Variants in SRGAP1 observed in about 807,000 individuals in gnomAD.
The protein encoded by SRGAP1 is SLIT-ROBO Rho GTPase activating protein 1.
In SRGAP1, 43 loss-of-function variants were observed where a neutral mutation model predicts 121.9. The observed-to-expected ratio is 0.35, with a 90% CI of 0.28 to 0.46. The LOEUF (loss-of-function observed/expected upper bound fraction) is 0.46, where lower values mean the gene tolerates loss of function less well. SRGAP1 is among the 20% of genes least tolerant of loss of function. The pLI is 1.00. For synonymous variants in SRGAP1, 447 were observed against 485.4 expected, an observed-to-expected ratio of 0.92 and a Z score of 1.04; for missense variants, 1,102 against 1,350.9, an observed-to-expected ratio of 0.82 and a Z score of 2.89.
intron 1 of SRGAP1, among the ~76,000 whole-genome samples, chr12:63,863,276 C>CTT (rs72296845): frequency 3.2e-4 from 44 of 138,156 alleles, no homozygotes; most frequent in East Asian, 2.9e-3. Context: ...CTTTTTTTTT[C>CTT]TTTTTTTTTT....
intron 1 of SRGAP1, among the ~76,000 whole-genome samples, chr12:63,950,401 G>A (rs905508366): frequency 5.3e-5 from 8 of 152,212 alleles, no homozygotes; most frequent in Admixed American, 3.9e-4. Context: ...CCTCTTTAAG[G>A]AATTGTGCAA....
intron 15 of SRGAP1, chr12:64,097,631 A>G: frequency 3.0e-6 from 1 of 334,014 alleles, no homozygotes; most frequent in East Asian, 4.9e-5. Flanking sequence ...CATGGCTGGA[A>G]TTGAGCAGAA....
chr12:64,043,054 C>T (rs770133562), intron 5 of SRGAP1, 82 bp downstream of exon 5: 30 of 930,566 alleles, frequency 3.2e-5, no homozygotes, highest in Non-Finnish European at 3.0e-5. Context: ...CTGATATCCA[C>T]ACATTGTAAG....
At chr12:63,988,072 C>T (rs966594739) in intron 2 of SRGAP1, among the ~76,000 whole-genome samples, 1 of 152,170 alleles carries the variant, frequency 6.6e-6, no homozygotes, top group African/African-American at 2.4e-5. Context: ...ATGAGCTTGA[C>T]ATGGATATTA....
In SRGAP1 at chr12:64,094,943, G is replaced by A. The variant is rs2036125096; in HGVS notation, c.1551G>A (p.Gln517=). Residue 517 remains glutamine (Q), a synonymous_variant, in exon 13 of 22, where the codon CAG becomes CAA. Transcript: ENST00000355086. ...ATCCCTTTACCCAGGACTCAGGACA[G>A]GTTATTCCCCTCATTGTGGAAAGCT... is the stretch of plus-strand genomic sequence containing the variant. ...DLETFVKDSG[Q]VIPLIVESCI... is the part of the protein sequence containing the mutation. 1 of 1,613,950 alleles carries A rather than the reference G, an allele frequency of 6.2e-7. No individual in the cohort carries two copies. Among genetic ancestry groups the A allele is most frequent in the African/African-American group, 1.3e-5 (1 of 74,912 alleles).
chr12:64,073,168 A>G (rs1307954957), intron 8 of SRGAP1, among the ~76,000 whole-genome samples: 1 of 152,100 alleles, frequency 6.6e-6, no homozygotes, highest in Non-Finnish European at 1.5e-5. Context: ...CGAGCATCCC[A>G]TGGGATGATA....
chr12:63,863,276 C>CT (rs72296845), intron 1 of SRGAP1, among the ~76,000 whole-genome samples: 20,263 of 138,106 alleles, frequency 0.15, 2,267 homozygotes, highest in East Asian at 0.41. Flanking sequence ...CTTTTTTTTT[C>CT]TTTTTTTTTT....
intron 12 of SRGAP1, among the ~76,000 whole-genome samples, chr12:64,091,603 G>T (rs918788774): frequency 1.3e-5 from 2 of 152,128 alleles, no homozygotes; most frequent in African/African-American, 4.8e-5. Flanking sequence ...GGGCATAAAA[G>T]AAAGCCCTCT....
intron 6 of SRGAP1, among the ~76,000 whole-genome samples, chr12:64,050,464 A>G (rs954026008): frequency 6.6e-6 from 1 of 152,082 alleles, no homozygotes; most frequent in Non-Finnish European, 1.5e-5. Context: ...CCCTATATAT[A>G]CACATTTTTA....
intron 1 of SRGAP1, among the ~76,000 whole-genome samples, chr12:63,947,756 G>T (rs983691841): frequency 2.0e-5 from 3 of 152,134 alleles, no homozygotes; most frequent in Non-Finnish European, 2.9e-5. Flanking sequence ...AGTGTTGGCT[G>T]TTCAAGGTCT....
intron 1 of SRGAP1, among the ~76,000 whole-genome samples, chr12:63,927,335 G>GGCTGGCCCAGTCCCTA (rs1434475250): frequency 2.6e-5 from 4 of 152,156 alleles, no homozygotes; most frequent in African/African-American, 9.7e-5. Flanking sequence ...TGCAGTCCCT[G>GGCTGGCCCAGTCCCTA]GCTGGCCCAG....
At chr12:63,962,608 A>T (rs1190670422) in intron 1 of SRGAP1, among the ~76,000 whole-genome samples, 1 of 152,094 alleles carries the variant, frequency 6.6e-6, no homozygotes, top group African/African-American at 2.4e-5. Context: ...AGGTTTTTCC[A>T]CATTGGCCAG....
At chr12:64,095,973 C>A (rs2036147812) in intron 14 of SRGAP1, among the ~76,000 whole-genome samples, 1 of 152,156 alleles carries the variant, frequency 6.6e-6, no homozygotes, top group Non-Finnish European at 1.5e-5. Flanking sequence ...AGCCACTAAT[C>A]AATCATGTGA....
At chr12:63,858,668 T>C (rs1411676462) in intron 1 of SRGAP1, among the ~76,000 whole-genome samples, 5 of 152,228 alleles carry the variant, frequency 3.3e-5, no homozygotes, top group African/African-American at 9.6e-5. Context: ...CAGGATTATT[T>C]GTGCTGTGTA....
intron 1 of SRGAP1, among the ~76,000 whole-genome samples, chr12:63,969,709 GCGTGAACC>G (rs915536428): frequency 1.1e-4 from 16 of 151,944 alleles, no homozygotes; most frequent in African/African-American, 3.9e-4. Flanking sequence ...TAGGAGAATG[GCGTGAACC>G]CGGGAGGCAG....
intron 6 of SRGAP1, among the ~76,000 whole-genome samples, chr12:64,048,575 C>G (rs1243957162): frequency 6.6e-6 from 1 of 152,100 alleles, no homozygotes; most frequent in African/African-American, 2.4e-5. Flanking sequence ...GAGGTATTCC[C>G]ATACTGTTCT....
At chr12:63,953,249 A>G (rs17099954) in intron 1 of SRGAP1, among the ~76,000 whole-genome samples, 73,244 of 151,956 alleles carry the variant, frequency 0.48, 17,779 homozygotes, top group Middle Eastern at 0.55. Flanking sequence ...GACAGAAGGT[A>G]AACCATATGT....
chr12:63,947,212 A>T (rs1373691757), intron 1 of SRGAP1, among the ~76,000 whole-genome samples: 1 of 152,192 alleles, frequency 6.6e-6, no homozygotes, highest in African/African-American at 2.4e-5. Context: ...GAAACTGCAA[A>T]CTGTTTTCCG....
intron 21 of SRGAP1, among the ~76,000 whole-genome samples, chr12:64,128,651 C>T (rs752675330): frequency 4.6e-5 from 7 of 152,192 alleles, no homozygotes; most frequent in Admixed American, 1.3e-4. Context: ...TCAAGACCCC[C>T]AGTGGATGCC....
Sources: gnomAD v4.1 joint callset for allele counts (sites outside exome capture counted in the v4.1 genomes callset) on GRCh38, gnomAD v4.1.1 for gene constraint, MANE v1.5 for transcripts, NCBI Gene and HGNC (gene_info 2026-07-23, HGNC 2026-07-21) for gene names.